Variants in DTNB observed in about 807,000 individuals in gnomAD.
DTNB encodes DTN-B.
DTNB carries 63 observed loss-of-function variants against 90.7 expected under a neutral mutation model. That is an observed-to-expected ratio of 0.69 (90% confidence interval 0.57 to 0.86). The LOEUF is 0.86. Among genes scored for constraint, DTNB ranks in the 40% least tolerant of loss-of-function variants. The pLI, the probability that DTNB is intolerant of heterozygous loss-of-function variation, is 0.00. For synonymous variants in DTNB, 277 were observed against 286.7 expected (o/e 0.97, Z 0.34); for missense variants, 744 against 807.1 (o/e 0.92, Z 0.95).
chr2:25,587,662 C>T (rs1408149231), intron 6 of DTNB, among the ~76,000 whole-genome samples: 2 of 152,118 alleles, frequency 1.3e-5, no homozygotes, highest in African/African-American at 2.4e-5. Flanking sequence ...AAAAAGAAAA[C>T]AATCTTGAAG....
chr2:25,532,135 A>G (rs1359663620), intron 8 of DTNB, among the ~76,000 whole-genome samples: 1 of 151,854 alleles, frequency 6.6e-6, no homozygotes, highest in Non-Finnish European at 1.5e-5. Flanking sequence ...AATCCGTGCT[A>G]CATGGGAACT....
intron 8 of DTNB, among the ~76,000 whole-genome samples, chr2:25,574,131 G>A (rs2060303243): frequency 2.0e-5 from 3 of 152,192 alleles, no homozygotes; most frequent in Non-Finnish European, 4.4e-5. Context: ...GCTGAAAAGT[G>A]TAGTCTAGAC....
intron 6 of DTNB, among the ~76,000 whole-genome samples, chr2:25,585,803 T>C (rs1368438172): frequency 1.3e-5 from 2 of 152,220 alleles, no homozygotes; most frequent in Non-Finnish European, 2.9e-5. Flanking sequence ...CTTCTGAGTA[T>C]AGTTACAGAG....
intron 8 of DTNB, among the ~76,000 whole-genome samples, chr2:25,568,571 T>C (rs2059380951): frequency 6.6e-6 from 1 of 152,214 alleles, no homozygotes; most frequent in Non-Finnish European, 1.5e-5. Flanking sequence ...GTAAATATTA[T>C]AGTTAGTTGT....
chr2:25,650,413 G>A (rs2080627091), intron 2 of DTNB, among the ~76,000 whole-genome samples: 1 of 152,204 alleles, frequency 6.6e-6, no homozygotes, highest in South Asian at 2.1e-4. Flanking sequence ...GTTTTGAAGG[G>A]TAGGCAGAAG....
At chr2:25,657,953 GACA>G (rs1206550958) in intron 1 of DTNB, among the ~76,000 whole-genome samples, 1 of 151,958 alleles carries the variant, frequency 6.6e-6, no homozygotes, top group African/African-American at 2.4e-5. Flanking sequence ...AAAAACAACT[GACA>G]ACATCAAATG....
At position 25,565,908 on chromosome 2, in the gene DTNB, G is replaced by C. The variant is rs545214094; in HGVS notation, c.876+10930C>G. On this transcript the variant is annotated intron_variant, in intron 8 of 20. Coordinates refer to ENST00000406818, the MANE Select transcript of DTNB (RefSeq NM_021907.5). ...AAACAGGTAGAAAAATAATCAGGGT[G>C]ACTAGTGTAGGCAGAATTCTGTTTA... is the stretch of plus-strand genomic sequence containing the variant. Among the ~76,000 whole-genome samples the C allele has an allele frequency of 1.4e-4, 21 of 152,290 alleles. No individual in the cohort carries two copies. The South Asian group carries it at 4.1e-3, about 30-fold the overall frequency.
At chr2:25,455,299 A>G in intron 11 of DTNB, 106 bp downstream of exon 11, 2 of 1,059,834 alleles carry the variant, frequency 1.9e-6, no homozygotes, top group Non-Finnish European at 2.7e-6. Context: ...GCTGCTCAAG[A>G]AAAACCTGAC....
chr2:25,416,410 G>A (rs577618847), intron 16 of DTNB, among the ~76,000 whole-genome samples: 35 of 152,312 alleles, frequency 2.3e-4, no homozygotes, highest in African/African-American at 7.2e-4. Context: ...GATGGCTCAC[G>A]CCTGTAATCC....
intron 8 of DTNB, among the ~76,000 whole-genome samples, chr2:25,559,886 A>G (rs2057987730): frequency 6.6e-6 from 1 of 152,232 alleles, no homozygotes; most frequent in African/African-American, 2.4e-5. Context: ...ACACAGCCAC[A>G]AAGTCAAAGA....
chr2:25,665,760 T>G (rs2084278014), intron 1 of DTNB, among the ~76,000 whole-genome samples: 1 of 148,086 alleles, frequency 6.8e-6, no homozygotes, highest in African/African-American at 2.5e-5. Context: ...ACTTCTTTTC[T>G]CTTCTCTTTC....
At chr2:25,546,341 A>G (rs1435242429) in intron 8 of DTNB, among the ~76,000 whole-genome samples, 2 of 152,214 alleles carry the variant, frequency 1.3e-5, no homozygotes, top group East Asian at 3.8e-4. Context: ...CAAACTGTTC[A>G]CTAGAATAAA....
At chr2:25,512,263 C>T (rs1039711388) in intron 9 of DTNB, among the ~76,000 whole-genome samples, 7 of 152,180 alleles carry the variant, frequency 4.6e-5, no homozygotes, top group African/African-American at 1.4e-4. Context: ...CCTTCCAAAG[C>T]GTCAGTAGGA....
chr2:25,568,174 GA>G lies in DTNB; in HGVS notation c.876+8663del, dbSNP rs374333551. ...TCCGTCTCAAAAAAAAAAAAAAGAG[GA>G]AAAGAAAAGAAAGGTTGAAGAGTTT... On this transcript the variant is annotated intron_variant, in intron 8 of 20. Coordinates refer to ENST00000406818, the MANE Select transcript of DTNB (RefSeq NM_021907.5). Among the ~76,000 whole-genome samples, 20 of 151,718 alleles carry G rather than the reference GA, an allele frequency of 1.3e-4. 1 individual carries two copies. Among genetic ancestry groups the G allele is most frequent in the African/African-American group, 4.6e-4 (19 of 41,350 alleles).
intron 10 of DTNB, among the ~76,000 whole-genome samples, chr2:25,476,743 G>A (rs988730761): frequency 2.0e-5 from 3 of 152,152 alleles, no homozygotes; most frequent in Non-Finnish European, 4.4e-5. Context: ...TGCTTCTTAC[G>A]GATAAGCAAA....
intron 10 of DTNB, among the ~76,000 whole-genome samples, chr2:25,475,867 G>A (rs1296551808): frequency 6.6e-6 from 1 of 152,126 alleles, no homozygotes; most frequent in African/African-American, 2.4e-5. Flanking sequence ...TCTGTTTACA[G>A]CACGGTTTAA....
intron 8 of DTNB, among the ~76,000 whole-genome samples, chr2:25,564,548 T>A (rs1314117232): frequency 2.7e-5 from 2 of 73,452 alleles, no homozygotes; most frequent in African/African-American, 1.7e-4. Flanking sequence ...ACCTGGCTAA[T>A]TTTTTTTTTT....
chr2:25,490,123 A>C (rs1491000467), intron 9 of DTNB, among the ~76,000 whole-genome samples: 3 of 152,160 alleles, frequency 2.0e-5, no homozygotes, highest in Admixed American at 6.5e-5. Flanking sequence ...AAAAAATTAA[A>C]AAATCAGCTA....
At chr2:25,422,268 A>G (rs532584244) in intron 15 of DTNB, among the ~76,000 whole-genome samples, 1 of 152,332 alleles carries the variant, frequency 6.6e-6, no homozygotes, top group East Asian at 1.9e-4. Context: ...GGCCAAAGCA[A>G]TGACATAGCC....
Sources: gnomAD v4.1 joint callset for allele counts (sites outside exome capture counted in the v4.1 genomes callset) on GRCh38, gnomAD v4.1.1 for gene constraint, MANE v1.5 for transcripts, NCBI Gene and HGNC (gene_info 2026-07-23, HGNC 2026-07-21) for gene names.